Variants in ST6GALNAC5 observed in about 807,000 individuals in gnomAD.
The protein encoded by ST6GALNAC5 is alpha-N-acetylgalactosaminide alpha-2,6-sialyltransferase 5.
Under a neutral mutation model 33.6 loss-of-function variants are expected in ST6GALNAC5, and 27 were observed. That is an observed-to-expected ratio of 0.80 (90% CI 0.59 to 1.11). The LOEUF (loss-of-function observed/expected upper bound fraction) is 1.11, where lower values mean the gene tolerates loss of function less well. Ranked by LOEUF, ST6GALNAC5 falls within the 50% of genes least tolerant of loss-of-function variation. The pLI, the probability that ST6GALNAC5 is intolerant of heterozygous loss-of-function variation, is 0.00. For missense variants in ST6GALNAC5, 428 were observed against 454.0 expected, an observed-to-expected ratio of 0.94 and a Z score of 0.52; for synonymous variants, 194 against 171.2, an observed-to-expected ratio of 1.13 and a Z score of -1.04.
intron 3 of ST6GALNAC5, 22 bp downstream of exon 3, chr1:77,044,635 G>A: frequency 6.6e-7 from 1 of 1,522,828 alleles, no homozygotes; most frequent in African/African-American, 1.4e-5. Flanking sequence ...CAGGGAAGAA[G>A]ATGCAGGGGA....
intron 2 of ST6GALNAC5, among the ~76,000 whole-genome samples, chr1:77,027,354 G>A (rs1005186793): frequency 2.0e-5 from 3 of 152,188 alleles, no homozygotes; most frequent in African/African-American, 7.2e-5. Flanking sequence ...TCCAATTGCT[G>A]GAAGTGCGAG....
chr1:77,022,223 A>G (rs552368569), intron 2 of ST6GALNAC5, among the ~76,000 whole-genome samples: 1 of 152,342 alleles, frequency 6.6e-6, no homozygotes, highest in South Asian at 2.1e-4. Flanking sequence ...ACCTTGCTTT[A>G]TAATATACCT....
intron 2 of ST6GALNAC5, among the ~76,000 whole-genome samples, chr1:77,020,028 A>G (rs1650993145): frequency 1.3e-5 from 2 of 152,210 alleles, no homozygotes; most frequent in Non-Finnish European, 2.9e-5. Flanking sequence ...CTGGTTTTTT[A>G]TTATAAAAAT....
chr1:76,975,383 A>G (rs948830394), intron 2 of ST6GALNAC5, among the ~76,000 whole-genome samples: 6 of 152,186 alleles, frequency 3.9e-5, no homozygotes, highest in Non-Finnish European at 8.8e-5. Flanking sequence ...ATTTCTTGAT[A>G]TTGAACACCA....
chr1:76,990,445 G>C (rs1308376484), intron 2 of ST6GALNAC5, among the ~76,000 whole-genome samples: 2 of 152,160 alleles, frequency 1.3e-5, no homozygotes, highest in African/African-American at 2.4e-5. Context: ...CAATCTGTCA[G>C]TTCTGTCAGG....
chr1:77,058,951 G>T (rs1042330692), intron 4 of ST6GALNAC5, among the ~76,000 whole-genome samples: 1 of 152,182 alleles, frequency 6.6e-6, no homozygotes, highest in Non-Finnish European at 1.5e-5. Context: ...AGCTGAGCAG[G>T]TACTTACAAA....
intron 2 of ST6GALNAC5, among the ~76,000 whole-genome samples, chr1:76,957,594 G>C (rs1648055223): frequency 6.8e-6 from 1 of 147,858 alleles, no homozygotes; most frequent in Non-Finnish European, 1.5e-5. Flanking sequence ...AACTCCAACT[G>C]TCCACCCACC....
At chr1:76,921,311 A>T (rs1647032534) in intron 2 of ST6GALNAC5, among the ~76,000 whole-genome samples, 1 of 152,162 alleles carries the variant, frequency 6.6e-6, no homozygotes, top group African/African-American at 2.4e-5. Context: ...AAATGAGTGA[A>T]AAGGGGCTCT....
At chr1:77,030,212 C>T (rs906238520) in intron 2 of ST6GALNAC5, among the ~76,000 whole-genome samples, 5 of 152,214 alleles carry the variant, frequency 3.3e-5, no homozygotes, top group African/African-American at 1.2e-4. Flanking sequence ...CCCCAATCCT[C>T]TTTTCTTTCC....
At chr1:76,966,498 G>T (rs1052479830) in intron 2 of ST6GALNAC5, among the ~76,000 whole-genome samples, 2 of 152,184 alleles carry the variant, frequency 1.3e-5, no homozygotes, top group Admixed American at 6.5e-5. Flanking sequence ...GAGATTTTGG[G>T]CTGAGACGAT....
intron 2 of ST6GALNAC5, among the ~76,000 whole-genome samples, chr1:77,022,304 C>T (rs376038102): frequency 6.6e-6 from 1 of 152,162 alleles, no homozygotes; most frequent in African/African-American, 2.4e-5. Context: ...CAGTTTAACA[C>T]ATGCTTTGGC....
intron 2 of ST6GALNAC5, among the ~76,000 whole-genome samples, chr1:76,915,567 A>G (rs564729885): frequency 3.5e-4 from 54 of 152,270 alleles, no homozygotes; most frequent in African/African-American, 1.3e-3. Flanking sequence ...ACTGGAAATC[A>G]TCATTCTCAG....
At chr1:76,990,088 T>G (rs564235931) in intron 2 of ST6GALNAC5, among the ~76,000 whole-genome samples, 4 of 152,224 alleles carry the variant, frequency 2.6e-5, no homozygotes, top group African/African-American at 7.2e-5. Context: ...AACAACTGAG[T>G]TTTTGTTCTG....
At chr1:76,876,514 C>A (rs752185768) in intron 2 of ST6GALNAC5, among the ~76,000 whole-genome samples, 4 of 152,120 alleles carry the variant, frequency 2.6e-5, no homozygotes, top group Non-Finnish European at 4.4e-5. Context: ...ATTTTTTGAC[C>A]CCTCAGATAG....
intron 2 of ST6GALNAC5, among the ~76,000 whole-genome samples, chr1:76,894,640 C>T (rs796418648): frequency 6.6e-6 from 1 of 152,154 alleles, no homozygotes; most frequent in South Asian, 2.1e-4. Flanking sequence ...AGCAGTACAG[C>T]TTCATAAGTG....
Position 76,943,410 on chromosome 1 carries a change from C to T in ST6GALNAC5, c.261+74668C>T, listed in dbSNP as rs572936314. On this transcript the variant is annotated intron_variant, in intron 2 of 4. Coordinates refer to ENST00000477717, the MANE Select transcript of ST6GALNAC5 (RefSeq NM_030965.3). ...GTTTAGCCAATCAGTAACCAAACTG[C>T]AAAGAACCAGAGTTCTTCGACTACA... Among the ~76,000 whole-genome samples, 3 of 152,170 alleles carry T rather than the reference C, an allele frequency of 2.0e-5. No homozygotes were observed. The South Asian group carries it at 6.2e-4, about 32-fold the overall frequency.
Position 77,003,304 on chromosome 1 carries a change from G to T in ST6GALNAC5, c.262-40900G>T, listed in dbSNP as rs1281158170. ...TTAAAGTCTGTTTTATCAGAGACTA[G>T]GATTGCAACCCCTGCCTTTTTTTGT... is the stretch of plus-strand genomic sequence containing the variant. On this transcript the variant is annotated intron_variant, in intron 2 of 4. Coordinates refer to ENST00000477717, the MANE Select transcript of ST6GALNAC5 (RefSeq NM_030965.3). Among the ~76,000 whole-genome samples the T allele has an allele frequency of 1.7e-4, 21 of 121,766 alleles. No homozygotes were observed. In the South Asian group the frequency reaches 6.4e-3, roughly 37 times the overall value. The allele number at this position is 121,766 out of a possible 152,430, so 79.9% of individuals were successfully genotyped here. A position where few individuals can be genotyped will look rare whatever the true frequency, so the allele number is the denominator to read the frequency against.
chr1:77,044,955 A>G (rs1307313571), intron 3 of ST6GALNAC5, among the ~76,000 whole-genome samples: 1 of 152,180 alleles, frequency 6.6e-6, no homozygotes, highest in African/African-American at 2.4e-5. Context: ...AAAAAAGTAT[A>G]TGGGTTTATT....
intron 2 of ST6GALNAC5, among the ~76,000 whole-genome samples, chr1:76,935,872 T>C (rs1434824879): frequency 6.6e-6 from 1 of 152,002 alleles, no homozygotes; most frequent in Non-Finnish European, 1.5e-5. Flanking sequence ...ATGAACAAAA[T>C]TAAGTTCTAC....
Sources: gnomAD v4.1 joint callset for allele counts (sites outside exome capture counted in the v4.1 genomes callset) on GRCh38, gnomAD v4.1.1 for gene constraint, MANE v1.5 for transcripts, NCBI Gene and HGNC (gene_info 2026-07-23, HGNC 2026-07-21) for gene names.